The following GTF2IRD1 variants were observed in gnomAD, a reference collection of about 807,000 sequenced individuals.
GTF2IRD1 encodes GTF2I repeat domain containing 1.
GTF2IRD1 carries 26 observed loss-of-function variants against 113.2 expected under a neutral mutation model. The ratio of observed to expected loss-of-function variants is 0.23; its 90% confidence interval spans 0.17 to 0.32. The LOEUF (loss-of-function observed/expected upper bound fraction) is 0.32. Ranked by LOEUF, GTF2IRD1 falls within the 10% of genes least tolerant of loss-of-function variation. The probability of loss-of-function intolerance (pLI) is 1.00; values close to 1 mark genes in which losing one functional copy is unlikely to be tolerated. For synonymous variants in GTF2IRD1, 484 were observed against 529.1 expected, an observed-to-expected ratio of 0.91 and a Z score of 1.17; for missense variants, 864 against 1,280.8, an observed-to-expected ratio of 0.67 and a Z score of 4.97.
intron 1 of GTF2IRD1, among the ~76,000 whole-genome samples, chr7:74,468,676 CTGTGTGTGTGTGTGTG>C (rs61694825): frequency 0.27 from 35,257 of 129,360 alleles, 5,615 homozygotes; most frequent in Middle Eastern, 0.44. Flanking sequence ...AAAAAAAAAA[CTGTGTGTGTGTGTGTG>C]TGTGTGTGTG....
At chr7:74,493,172 T>C (rs1584513513) in intron 1 of GTF2IRD1, among the ~76,000 whole-genome samples, 1 of 150,932 alleles carries the variant, frequency 6.6e-6, no homozygotes, top group African/African-American at 2.4e-5. Context: ...GGCAGTGACG[T>C]GATCTCAGCT....
At position 74,513,005 on chromosome 7, in the gene GTF2IRD1, G is replaced by A. The variant is rs77717166; in HGVS notation, c.265+34G>A. The stretch of plus-strand genomic sequence containing the variant: ...CCCAGGGCTCCGGAGGGCCGGGCCC[G>A]CCATTTCCCGAGGGCAGGCGCTCTA... On this transcript the variant is annotated intron_variant, in intron 3 of 26. Transcript: ENST00000424337. 1.2e-4 allele frequency: 194 copies of A among 1,604,538 alleles called. No individual in the cohort carries two copies. The East Asian group carries it at 3.7e-3, about 30-fold the overall frequency.
intron 25 of GTF2IRD1, among the ~76,000 whole-genome samples, chr7:74,595,353 C>G (rs1264211740): frequency 6.6e-6 from 1 of 151,058 alleles, no homozygotes; most frequent in Non-Finnish European, 1.5e-5. Context: ...TTGCGGTGAA[C>G]TGAGATCGCG....
rs1215191907 is a variant in GTF2IRD1, at chr7:74,587,704, G to A, written c.2321-2147G>A. ...CCTCAACCCTGGCACAAGCCCACAGGCTGCTGCAGAGCTCTGCCCCAGACC... is the reference window on the plus strand; with the variant it reads ...CCTCAACCCTGGCACAAGCCCACAGACTGCTGCAGAGCTCTGCCCCAGACC... On this transcript the variant is annotated intron_variant, in intron 22 of 26. Coordinates refer to ENST00000424337, the MANE Select transcript of GTF2IRD1 (RefSeq NM_005685.4). 2.0e-5 allele frequency among the ~76,000 whole-genome samples: 3 copies of A among 152,178 alleles called. No individual in the cohort carries two copies. The East Asian group carries it at 5.8e-4, about 29-fold the overall frequency.
chr7:74,572,577 A>T, intron 22 of GTF2IRD1: 2 of 983,160 alleles, frequency 2.0e-6, no homozygotes, highest in Non-Finnish European at 2.4e-6. Context: ...ATCCTCCATG[A>T]TCCTCCCTTC....
intron 1 of GTF2IRD1, among the ~76,000 whole-genome samples, chr7:74,482,704 G>A (rs1392386400): frequency 4.6e-5 from 7 of 152,036 alleles, no homozygotes; most frequent in African/African-American, 1.2e-4. Flanking sequence ...GATAACCGCC[G>A]TTCCATCTCC....
chr7:74,576,961 C>T (rs1801112899), intron 22 of GTF2IRD1, among the ~76,000 whole-genome samples: 1 of 152,028 alleles, frequency 6.6e-6, no homozygotes, highest in South Asian at 2.1e-4. Context: ...ATGCAAAGAT[C>T]AAAGAGCAGT....
intron 14 of GTF2IRD1, among the ~76,000 whole-genome samples, chr7:74,543,872 C>CAAAA (rs782039486): frequency 4.0e-3 from 138 of 34,186 alleles, no homozygotes; most frequent in African/African-American, 4.8e-3. Context: ...CCCATCTCTA[C>CAAAA]AAAAAAAAAA....
chr7:74,512,387 C>G lies in GTF2IRD1; in HGVS notation c.124-443C>G, dbSNP rs1213597210. ...ACAAAACAGATGTGGAAACTGGAGC[C>G]CAGAGGAGGGACGTGACTTGCTCAA... On this transcript the variant is annotated intron_variant, in intron 2 of 26. Transcript: ENST00000424337. This position sits in a 1 kb window ranked among gnomAD's most constrained non-coding sequence, Gnocchi z 4.4. Among the ~76,000 whole-genome samples, 1 of 152,036 alleles carries G rather than the reference C, an allele frequency of 6.6e-6. No individual in the cohort carries two copies. The highest frequency in any genetic ancestry group is 2.4e-5 in the African/African-American group (1 of 41,418).
At chr7:74,490,726 A>T (rs1278085310) in intron 1 of GTF2IRD1, among the ~76,000 whole-genome samples, 1 of 151,212 alleles carries the variant, frequency 6.6e-6, no homozygotes, top group African/African-American at 2.4e-5. Context: ...ATCAGCTCCA[A>T]CGCCCCAGCT....
intron 25 of GTF2IRD1, among the ~76,000 whole-genome samples, chr7:74,596,927 A>AGTAG (rs1802452214): frequency 6.6e-6 from 1 of 152,142 alleles, no homozygotes; most frequent in Non-Finnish European, 1.5e-5. Context: ...CAGGCATGGT[A>AGTAG]GTAGGCACTT....
intron 1 of GTF2IRD1, among the ~76,000 whole-genome samples, chr7:74,495,924 C>T (rs1795630138): frequency 6.6e-6 from 1 of 152,162 alleles, no homozygotes; most frequent in Non-Finnish European, 1.5e-5. Context: ...CTCTGTGTCC[C>T]AGCACGACTG....
At chr7:74,587,106 C>A (rs144711862) in intron 22 of GTF2IRD1, among the ~76,000 whole-genome samples, 38 of 152,146 alleles carry the variant, frequency 2.5e-4, no homozygotes, top group African/African-American at 9.2e-4. Flanking sequence ...TATGATGGCA[C>A]CACTGTACTC....
At chr7:74,486,694 G>A (rs1417257763) in intron 1 of GTF2IRD1, among the ~76,000 whole-genome samples, 1 of 152,112 alleles carries the variant, frequency 6.6e-6, no homozygotes, top group Non-Finnish European at 1.5e-5. Flanking sequence ...ACGTTCAGCT[G>A]GGCATGGTGG....
intron 6 of GTF2IRD1, among the ~76,000 whole-genome samples, chr7:74,520,566 T>A (rs1444265084): frequency 6.6e-6 from 1 of 151,984 alleles, no homozygotes; most frequent in African/African-American, 2.4e-5. Context: ...ATCTGAAGCT[T>A]TGGGGATGGG....
At chr7:74,482,164 G>C (rs968696925) in intron 1 of GTF2IRD1, among the ~76,000 whole-genome samples, 7 of 148,738 alleles carry the variant, frequency 4.7e-5, no homozygotes, top group Non-Finnish European at 7.5e-5. Flanking sequence ...TTTGCTGTTT[G>C]TTTGTTTGTT....
At chr7:74,477,707 G>C (rs1031518928) in intron 1 of GTF2IRD1, among the ~76,000 whole-genome samples, 5 of 152,100 alleles carry the variant, frequency 3.3e-5, no homozygotes, top group African/African-American at 4.8e-5. Flanking sequence ...GTCCTCACCC[G>C]TTGGCTCAGT....
chr7:74,545,262 G>A (rs372001031), intron 15 of GTF2IRD1, among the ~76,000 whole-genome samples: 4 of 152,024 alleles, frequency 2.6e-5, no homozygotes, highest in African/African-American at 9.7e-5. Context: ...GGTGAGGGTG[G>A]GTCTGTTTCA....
intron 1 of GTF2IRD1, among the ~76,000 whole-genome samples, chr7:74,497,390 AG>A (rs2129762880): frequency 6.6e-6 from 1 of 151,996 alleles, no homozygotes; most frequent in Admixed American, 6.6e-5. Context: ...CAGCTTCCCA[AG>A]TAGCTGGGAC....
Sources: gnomAD v4.1 joint callset for allele counts (sites outside exome capture counted in the v4.1 genomes callset) on GRCh38, gnomAD v4.1.1 for gene constraint, Gnocchi (gnomAD v3.1) non-coding constraint, MANE v1.5 for transcripts, NCBI Gene and HGNC (gene_info 2026-07-23, HGNC 2026-07-21) for gene names.